The following NEO1 variants were observed in gnomAD, a reference collection of about 807,000 sequenced individuals.
NEO1 encodes the protein neogenin 1.
Under a neutral mutation model 159.7 loss-of-function variants are expected in NEO1, and 63 were observed. The observed-to-expected ratio is 0.39, with a 90% confidence interval of 0.32 to 0.49. The LOEUF is 0.49. Ranked by LOEUF, NEO1 falls within the 20% of genes least tolerant of loss-of-function variation. The pLI is 0.85. For synonymous variants in NEO1, 633 were observed against 662.0 expected (o/e 0.96, Z 0.67); for missense variants, 1,615 against 1,831.0 (o/e 0.88, Z 2.15).
chr15:73,253,398 A>G lies in NEO1; in HGVS notation c.1895-2A>G. 1.3e-6 allele frequency: 2 copies of G among 1,515,184 alleles called. No homozygotes were observed. Among genetic ancestry groups the G allele is most frequent in the Non-Finnish European group, 1.8e-6 (2 of 1,123,618 alleles). The allele number at this position is 1,515,184 out of a possible 1,614,324, so 93.9% of individuals were successfully genotyped here. A position where few individuals can be genotyped will look rare whatever the true frequency, so the allele number is the denominator to read the frequency against. ...ATTTTTTTTTTTTTTTTGTTTCTCTAGTTCCCAGTGCTGCTCCTCAGAATC... is the reference window on the plus strand; with the variant it reads ...ATTTTTTTTTTTTTTTTGTTTCTCTGGTTCCCAGTGCTGCTCCTCAGAATC... On this transcript the variant is annotated splice_acceptor_variant, in intron 11 of 28. Transcript: ENST00000261908. LOFTEE classifies it high-confidence loss of function.
chr15:73,229,981 T>A (rs565660003), intron 7 of NEO1, among the ~76,000 whole-genome samples: 1 of 152,164 alleles, frequency 6.6e-6, no homozygotes, highest in Non-Finnish European at 1.5e-5. Context: ...GGGATACTGG[T>A]CTGTTGCTTT....
chr15:73,285,037 A>G (rs2041888738), intron 23 of NEO1, among the ~76,000 whole-genome samples: 1 of 152,168 alleles, frequency 6.6e-6, no homozygotes, highest in Non-Finnish European at 1.5e-5. Flanking sequence ...TTTTAGAAAT[A>G]TTGGGATCTT....
At chr15:73,084,457 A>T (rs970802554) in intron 1 of NEO1, among the ~76,000 whole-genome samples, 1 of 152,116 alleles carries the variant, frequency 6.6e-6, no homozygotes, top group African/African-American at 2.4e-5. Context: ...GTTCATCTTT[A>T]TTGTCACAAA....
intron 3 of NEO1, 90 bp downstream of exon 3, chr15:73,122,890 C>T: frequency 6.7e-7 from 1 of 1,502,184 alleles, no homozygotes; most frequent in Non-Finnish European, 9.0e-7. Flanking sequence ...TGAATGTTGG[C>T]CGGGCGCAGT....
At chr15:73,122,925 T>G (rs2071754070) in intron 3 of NEO1, 125 bp downstream of exon 3, 1 of 1,195,722 alleles carries the variant, frequency 8.4e-7, no homozygotes, top group Admixed American at 2.1e-5. Context: ...ATCCCAGCAC[T>G]TTGGGAGGTT....
intron 24 of NEO1, 57 bp downstream of exon 24, chr15:73,288,608 T>C: frequency 6.8e-7 from 1 of 1,478,020 alleles, no homozygotes; most frequent in South Asian, 1.2e-5. Flanking sequence ...TTCATTTAAA[T>C]CTTTTTTTTT....
intron 8 of NEO1, among the ~76,000 whole-genome samples, chr15:73,238,286 T>G (rs1444755573): frequency 2.1e-5 from 3 of 143,406 alleles, no homozygotes; most frequent in Admixed American, 7.0e-5. Context: ...TTTTTTTTTT[T>G]TTTTTTTTTT....
chr15:73,164,327 T>C (rs1247595257), intron 5 of NEO1, among the ~76,000 whole-genome samples: 1 of 151,060 alleles, frequency 6.6e-6, no homozygotes, highest in East Asian at 1.9e-4. Context: ...CATTCTCCTG[T>C]CTCAGCCTTC....
At chr15:73,213,901 TC>T (rs1447541400) in intron 7 of NEO1, among the ~76,000 whole-genome samples, 1 of 152,206 alleles carries the variant, frequency 6.6e-6, no homozygotes, top group Non-Finnish European at 1.5e-5. Context: ...ATAGAAGTGT[TC>T]CCTGTTCACC....
intron 1 of NEO1, among the ~76,000 whole-genome samples, chr15:73,101,324 T>C (rs754802316): frequency 6.6e-6 from 1 of 152,278 alleles, no homozygotes; most frequent in Non-Finnish European, 1.5e-5. Flanking sequence ...AAACAAACTT[T>C]GTACAATTTC....
At chr15:73,246,764 T>C (rs997552093) in intron 9 of NEO1, among the ~76,000 whole-genome samples, 9 of 152,242 alleles carry the variant, frequency 5.9e-5, no homozygotes, top group Non-Finnish European at 1.3e-4. Flanking sequence ...TCTGTACATA[T>C]TCACATTTCC....
In NEO1 at chr15:73,178,444, T is replaced by C. The variant is rs2035404362; in HGVS notation, c.1291+17T>C. On this transcript the variant is annotated intron_variant, in intron 7 of 28. Coordinates refer to ENST00000261908, the MANE Select transcript of NEO1 (RefSeq NM_002499.4). ...TTGAACATGGTAAGAAGGGCTGAAA[T>C]AGTCAGATGATAGAGGCTGTGTGCT... is the stretch of plus-strand genomic sequence containing the variant. 2 of 1,612,762 alleles carry C rather than the reference T, an allele frequency of 1.2e-6. No homozygotes were observed. The highest frequency in any genetic ancestry group is 1.7e-6 in the Non-Finnish European group (2 of 1,179,386).
chr15:73,137,653 G>A (rs1467321438), intron 5 of NEO1, among the ~76,000 whole-genome samples: 1 of 152,088 alleles, frequency 6.6e-6, no homozygotes, highest in East Asian at 1.9e-4. Context: ...TGTGCCACCA[G>A]GCCCAGTTAA....
chr15:73,119,613 C>T (rs970211462), intron 2 of NEO1, among the ~76,000 whole-genome samples: 2 of 152,182 alleles, frequency 1.3e-5, no homozygotes, highest in Non-Finnish European at 2.9e-5. Flanking sequence ...TCCTTTTTCT[C>T]CTGCAGTTCT....
chr15:73,221,992 G>T (rs188671328), intron 7 of NEO1: 1,665 of 153,506 alleles, frequency 0.011, 20 homozygotes, highest in East Asian at 0.048. Context: ...TACCTCAGAT[G>T]GAAATGCAGA....
chr15:73,096,142 A>G (rs1307744047), intron 1 of NEO1, among the ~76,000 whole-genome samples: 2 of 152,222 alleles, frequency 1.3e-5, no homozygotes, highest in Non-Finnish European at 2.9e-5. Context: ...CAGATCATCT[A>G]CATCCATTTG....
intron 1 of NEO1, among the ~76,000 whole-genome samples, chr15:73,056,914 A>G (rs1758881904): frequency 6.6e-6 from 1 of 152,222 alleles, no homozygotes; most frequent in African/African-American, 2.4e-5. Context: ...AAGAGATCAT[A>G]GAATTCTGGG....
chr15:73,114,715 C>T (rs1359157644), intron 1 of NEO1, among the ~76,000 whole-genome samples: 1 of 151,946 alleles, frequency 6.6e-6, no homozygotes, highest in African/African-American at 2.4e-5. Context: ...ATCAGTAATA[C>T]AATATTTCAG....
intron 23 of NEO1, among the ~76,000 whole-genome samples, chr15:73,283,676 C>T (rs1009513601): frequency 6.6e-6 from 1 of 152,194 alleles, no homozygotes; most frequent in African/African-American, 2.4e-5. Context: ...AGAGGGCCAA[C>T]TAGAGAATAG....
Sources: allele counts gnomAD v4.1 joint callset (sites outside exome capture counted in the v4.1 genomes callset), GRCh38; gene constraint gnomAD v4.1.1; transcripts MANE v1.5; gene names NCBI Gene and HGNC (gene_info 2026-07-23, HGNC 2026-07-21).